The following PLEKHA6 variants were observed in gnomAD, a reference collection of about 807,000 sequenced individuals.
PLEKHA6 encodes pleckstrin homology domain containing A6.
In PLEKHA6, 60 loss-of-function variants were observed where a neutral mutation model predicts 116.7. The ratio of observed to expected loss-of-function variants is 0.51; its 90% CI spans 0.42 to 0.64. PLEKHA6 has a LOEUF of 0.64. Among genes scored for constraint, PLEKHA6 ranks in the 30% least tolerant of loss-of-function variants. PLEKHA6 has a pLI of 0.00. For synonymous variants in PLEKHA6, 489 were observed against 556.1 expected (o/e 0.88, Z 1.70); for missense variants, 1,338 against 1,422.7 (o/e 0.94, Z 0.96).
intron 1 of PLEKHA6, among the ~76,000 whole-genome samples, chr1:204,344,792 T>C (rs188827620): frequency 2.5e-4 from 38 of 152,236 alleles, no homozygotes; most frequent in African/African-American, 8.9e-4. Context: ...ACAGATGAGA[T>C]GTGATCCAGC....
intron 15 of PLEKHA6, among the ~76,000 whole-genome samples, chr1:204,244,194 C>G (rs941136114): frequency 6.6e-6 from 1 of 151,760 alleles, no homozygotes; most frequent in Non-Finnish European, 1.5e-5. Flanking sequence ...TACAGTGGTG[C>G]GATCTTGGTT....
At chr1:204,346,338 A>AC (rs1264715211) in intron 1 of PLEKHA6, among the ~76,000 whole-genome samples, 3 of 152,068 alleles carry the variant, frequency 2.0e-5, no homozygotes, top group African/African-American at 7.2e-5. Context: ...AGAGCAGCAA[A>AC]CACTCTCACT....
rs771429803 is a variant in PLEKHA6, at chr1:204,228,186, G to A, written c.2928C>T (p.Asp976=). 32 of 1,611,836 alleles carry A rather than the reference G, an allele frequency of 2.0e-5. No individual in the cohort carries two copies. The highest frequency in any genetic ancestry group is 6.7e-5 in the African/African-American group (5 of 74,852). The change falls in exon 21 of 23, where the codon GAC becomes GAT. Residue 976 remains aspartate (D), a synonymous_variant. Coordinates refer to ENST00000272203, the MANE Select transcript of PLEKHA6 (RefSeq NM_014935.5). The surrounding 1 kb of genome is among the most constrained non-coding windows in gnomAD (Gnocchi z 4.0). ...GCTGGCTCTCTGAGTCCTGGGGCAC[G>A]TCCACAGAGTCCCCCTCGCCGATGG... ...VVPIGEGDSV[D]VPQDSESQLQ...
intron 1 of PLEKHA6, chr1:204,313,519 A>G (rs1671741774): frequency 1.0e-6 from 1 of 970,112 alleles, no homozygotes; most frequent in Non-Finnish European, 1.2e-6. Flanking sequence ...CAGAGCTCAC[A>G]CAAGATGTTA....
chr1:204,283,090 C>T (rs940727095), intron 1 of PLEKHA6, among the ~76,000 whole-genome samples: 7 of 152,340 alleles, frequency 4.6e-5, no homozygotes, highest in South Asian at 2.1e-4. Context: ...CCCAGCTGTC[C>T]GCCGCCGGGT....
intron 9 of PLEKHA6, among the ~76,000 whole-genome samples, chr1:204,255,288 C>G (rs1025138761): frequency 6.6e-6 from 1 of 152,172 alleles, no homozygotes; most frequent in Non-Finnish European, 1.5e-5. Flanking sequence ...AGAGCTCCCT[C>G]GACTCTGCGA....
intron 9 of PLEKHA6, among the ~76,000 whole-genome samples, chr1:204,250,837 G>T (rs777691201): frequency 3.9e-5 from 6 of 152,182 alleles, no homozygotes; most frequent in Non-Finnish European, 7.3e-5. Flanking sequence ...ACTCCGGAGA[G>T]ATCAGAACTC....
Position 204,274,654 on chromosome 1 carries a change from C to T in PLEKHA6, c.-14+75G>A, listed in dbSNP as rs56408002. 3.4e-3 allele frequency: 3,312 copies of T among 985,836 alleles called. 48 individuals are homozygous for T. The African/African-American group carries it at 0.042, about 13-fold the overall frequency. 61.1% of individuals were successfully genotyped at this position (985,836 alleles called of 1,614,324 possible). On this transcript the variant is annotated intron_variant, in intron 2 of 22. Transcript: ENST00000272203. ...TCCCCTCCCTGTTGCCTTCTGCTTT[C>T]CAGCTGCAAGGAGGCAGTGGGATGG...
At chr1:204,359,199 C>T (rs966039076) in intron 1 of PLEKHA6, among the ~76,000 whole-genome samples, 15 of 152,072 alleles carry the variant, frequency 9.9e-5, no homozygotes, top group African/African-American at 2.7e-4. Flanking sequence ...TGTCACCCTT[C>T]GACCCAACCT....
At chr1:204,241,288 A>C in intron 17 of PLEKHA6, 87 bp downstream of exon 17, 1 of 801,220 alleles carries the variant, frequency 1.2e-6, no homozygotes, top group South Asian at 1.6e-5. Context: ...AATTTCTTGA[A>C]CAGCAGAGGG....
At chr1:204,324,539 C>A (rs1672176152) in intron 1 of PLEKHA6, among the ~76,000 whole-genome samples, 1 of 152,068 alleles carries the variant, frequency 6.6e-6, no homozygotes, top group South Asian at 2.1e-4. Context: ...AGGAAAGGAA[C>A]CAAATGAAGA....
intron 9 of PLEKHA6, chr1:204,256,675 GCTAAAAACC>G: frequency 2.3e-6 from 1 of 427,396 alleles, no homozygotes; most frequent in Non-Finnish European, 4.1e-6. Context: ...TCCAGAGGCT[GCTAAAAACC>G]AGCCAGGCCA....
At position 204,267,074 on chromosome 1, in the gene PLEKHA6, C is replaced by T. The variant is rs529113845; in HGVS notation, c.280+401G>A. 2.6e-5 allele frequency among the ~76,000 whole-genome samples: 4 copies of T among 152,324 alleles called. No individual in the cohort carries two copies. In the South Asian group the frequency reaches 8.3e-4, roughly 32 times the overall value. On this transcript the variant is annotated intron_variant, in intron 5 of 22. Transcript: ENST00000272203. Reference sequence around the variant, plus strand: ...TCCTGCCTTCACAGATGGGACTGTGCATTCCAGTGGGATAGGAAGAAAGGC... The same window carrying T: ...TCCTGCCTTCACAGATGGGACTGTGTATTCCAGTGGGATAGGAAGAAAGGC...
intron 1 of PLEKHA6, among the ~76,000 whole-genome samples, chr1:204,352,073 C>CA (rs999732533): frequency 1.8e-4 from 27 of 149,264 alleles, no homozygotes; most frequent in Middle Eastern, 3.5e-3. Context: ...GACTTTGTCT[C>CA]AAAAAAAAAG....
At chr1:204,240,674 T>G (rs545432638) in intron 17 of PLEKHA6, among the ~76,000 whole-genome samples, 1 of 152,322 alleles carries the variant, frequency 6.6e-6, no homozygotes, top group South Asian at 2.1e-4. Context: ...ACCTTATTAT[T>G]GTCTTTATTT....
At chr1:204,297,004 G>T in intron 1 of PLEKHA6, 1 of 471,950 alleles carries the variant, frequency 2.1e-6, no homozygotes, top group Non-Finnish European at 2.8e-6. Context: ...TAGGAACATG[G>T]CTATTACCAC....
upstream of PLEKHA6, among the ~76,000 whole-genome samples, chr1:204,360,966 T>A (rs1207155653): frequency 6.6e-6 from 1 of 152,172 alleles, no homozygotes. Context: ...AATGGGCAAG[T>A]GTAATAAAAA....
chr1:204,275,546 G>A (rs1035767172), intron 1 of PLEKHA6: 1 of 208,652 alleles, frequency 4.8e-6, no homozygotes, highest in Admixed American at 6.5e-5. Context: ...GTTGGGGGGT[G>A]GGGGGTAGGT....
chr1:204,361,438 C>T (rs1270222203), upstream of PLEKHA6, among the ~76,000 whole-genome samples: 1 of 152,200 alleles, frequency 6.6e-6, no homozygotes, highest in Non-Finnish European at 1.5e-5. Context: ...CACACCACAG[C>T]ATTGGAGGAA....
Sources: gnomAD v4.1 joint callset for allele counts (sites outside exome capture counted in the v4.1 genomes callset) on GRCh38, gnomAD v4.1.1 for gene constraint, Gnocchi (gnomAD v3.1) non-coding constraint, MANE v1.5 for transcripts, NCBI Gene and HGNC (gene_info 2026-07-23, HGNC 2026-07-21) for gene names.